LRRC4C: variants seen among roughly 807,000 people sequenced by gnomAD.
The protein encoded by LRRC4C is leucine rich repeat containing 4C.
A neutral mutation model predicts 33.6 loss-of-function variants in LRRC4C; 5 were observed. The ratio of observed to expected loss-of-function variants is 0.15; its 90% CI spans 0.08 to 0.31. LRRC4C has a LOEUF of 0.31. Ranked by LOEUF, LRRC4C falls within the 10% of genes least tolerant of loss-of-function variation. LRRC4C has a pLI of 1.00. For synonymous variants in LRRC4C, 329 were observed against 302.0 expected, an observed-to-expected ratio of 1.09 and a Z score of -0.93; for missense variants, 560 against 796.7, an observed-to-expected ratio of 0.70 and a Z score of 3.58.
chr11:41,108,636 A>G (rs1041083633), intron 1 of LRRC4C, among the ~76,000 whole-genome samples: 2 of 152,284 alleles, frequency 1.3e-5, no homozygotes, highest in Non-Finnish European at 2.9e-5. Flanking sequence ...AGGTAATAAA[A>G]AATGTCATCT....
At chr11:40,417,327 T>TTTA (rs1555052028) in intron 3 of LRRC4C, among the ~76,000 whole-genome samples, 3 of 151,538 alleles carry the variant, frequency 2.0e-5, no homozygotes, top group African/African-American at 7.3e-5. Context: ...ATGATTTTTT[T>TTTA]TTTATTTATT....
intron 2 of LRRC4C, among the ~76,000 whole-genome samples, chr11:40,696,760 A>ATCTGAG: frequency 7.0e-6 from 1 of 141,998 alleles, no homozygotes. Flanking sequence ...ATATATATAT[A>ATCTGAG]TATATATATA....
intron 5 of LRRC4C, among the ~76,000 whole-genome samples, chr11:40,202,806 G>A (rs1186426293): frequency 2.0e-5 from 3 of 152,128 alleles, no homozygotes; most frequent in Non-Finnish European, 4.4e-5. Context: ...TAACGGGGAA[G>A]CTGTTAGGCA....
At chr11:40,691,220 G>C (rs1945207687) in intron 2 of LRRC4C, among the ~76,000 whole-genome samples, 1 of 151,978 alleles carries the variant, frequency 6.6e-6, no homozygotes, top group East Asian at 1.9e-4. Context: ...CCCATGTCTT[G>C]TGGGGTTCAT....
chr11:40,370,033 A>G (rs1044352290), intron 3 of LRRC4C, among the ~76,000 whole-genome samples: 2 of 152,160 alleles, frequency 1.3e-5, no homozygotes, highest in African/African-American at 4.8e-5. Flanking sequence ...GTAAAATGGC[A>G]CTTTTTAGGT....
intron 2 of LRRC4C, among the ~76,000 whole-genome samples, chr11:40,730,829 T>A (rs1025252059): frequency 6.6e-5 from 10 of 152,220 alleles, no homozygotes; most frequent in African/African-American, 1.4e-4. Context: ...GAAGCCCACC[T>A]TTTCTGCTTA....
At chr11:41,136,354 T>C (rs1230621534) in intron 1 of LRRC4C, among the ~76,000 whole-genome samples, 2 of 152,120 alleles carry the variant, frequency 1.3e-5, no homozygotes, top group East Asian at 1.9e-4. Flanking sequence ...GTAAAACTCA[T>C]GGTGCATTTC....
intron 1 of LRRC4C, among the ~76,000 whole-genome samples, chr11:41,343,386 C>T (rs1289017749): frequency 6.6e-6 from 1 of 152,090 alleles, no homozygotes; most frequent in Admixed American, 6.6e-5. Context: ...CAAAACAAAA[C>T]AAAACAGTAG....
At chr11:41,005,843 CACAA>C (rs1854713206) in intron 1 of LRRC4C, among the ~76,000 whole-genome samples, 1 of 152,274 alleles carries the variant, frequency 6.6e-6, no homozygotes, top group East Asian at 1.9e-4. Flanking sequence ...TTTATGGCAA[CACAA>C]ACAGACTAAC....
chr11:40,204,425 T>C (rs1317550672), intron 5 of LRRC4C, among the ~76,000 whole-genome samples: 1 of 152,118 alleles, frequency 6.6e-6, no homozygotes, highest in Admixed American at 6.5e-5. Flanking sequence ...AAACATGTAA[T>C]TATAAATCCT....
At chr11:40,306,952 T>C (rs77732403) in intron 4 of LRRC4C, among the ~76,000 whole-genome samples, 1 of 151,990 alleles carries the variant, frequency 6.6e-6, no homozygotes, top group Admixed American at 6.6e-5. Context: ...TTTTTTTTTT[T>C]TCTCTCTGTG....
chr11:40,857,099 C>A (rs1351315756), intron 2 of LRRC4C, among the ~76,000 whole-genome samples: 4 of 152,200 alleles, frequency 2.6e-5, no homozygotes, highest in Non-Finnish European at 5.9e-5. Flanking sequence ...CCAGATTATA[C>A]ACCAAATTTC....
intron 3 of LRRC4C, among the ~76,000 whole-genome samples, chr11:40,417,835 T>C (rs981372790): frequency 6.6e-6 from 1 of 152,052 alleles, no homozygotes; most frequent in Admixed American, 6.6e-5. Context: ...GGGAGTGAAG[T>C]ATGGGTTAGG....
chr11:40,494,243 G>A (rs10837424), intron 3 of LRRC4C, among the ~76,000 whole-genome samples: 78,149 of 151,868 alleles, frequency 0.51, 20,295 homozygotes, highest in East Asian at 0.73. Context: ...TGAGCGTGCC[G>A]TCTGTTTTCT....
intron 5 of LRRC4C, among the ~76,000 whole-genome samples, chr11:40,185,582 C>T (rs1348325112): frequency 6.6e-6 from 1 of 152,160 alleles, no homozygotes; most frequent in African/African-American, 2.4e-5. Flanking sequence ...GGGAACTAAG[C>T]TTTGTCAAGC....
Position 40,683,538 on chromosome 11 carries a change from A to T in LRRC4C, c.-406-35260T>A, listed in dbSNP as rs1033646207. ...TCATTTTAAAATTAATAACTGATAT[A>T]AAAAAAAGTGAAATTCCTAGGTGAC... On this transcript the variant is annotated intron_variant, in intron 2 of 6. Transcript: ENST00000528697. 1.2e-4 allele frequency among the ~76,000 whole-genome samples: 18 copies of T among 146,482 alleles called. 1 individual carries two copies. Among genetic ancestry groups the T allele is most frequent in the East Asian group, 9.7e-4 (5 of 5,172 alleles).
intron 2 of LRRC4C, among the ~76,000 whole-genome samples, chr11:40,662,784 T>C (rs1468294250): frequency 6.6e-6 from 1 of 152,216 alleles, no homozygotes; most frequent in Non-Finnish European, 1.5e-5. Context: ...ACAACTCAGT[T>C]GCTTCATCAT....
At chr11:41,401,570 A>C (rs1240358334) in intron 1 of LRRC4C, among the ~76,000 whole-genome samples, 1 of 151,884 alleles carries the variant, frequency 6.6e-6, no homozygotes, top group African/African-American at 2.4e-5. Flanking sequence ...CATGGGGCGG[A>C]CAAAGGATTT....
At chr11:41,121,510 T>C (rs535290236) in intron 1 of LRRC4C, among the ~76,000 whole-genome samples, 7 of 152,350 alleles carry the variant, frequency 4.6e-5, no homozygotes, top group African/African-American at 1.7e-4. Context: ...CTAGATGTAC[T>C]AGGCAGCAGT....
Sources: allele counts gnomAD v4.1 joint callset (sites outside exome capture counted in the v4.1 genomes callset), GRCh38; gene constraint gnomAD v4.1.1; transcripts MANE v1.5; gene names NCBI Gene and HGNC (gene_info 2026-07-23, HGNC 2026-07-21).